GNA15: variants seen among roughly 807,000 people sequenced by gnomAD.
The protein encoded by GNA15 is guanine nucleotide-binding protein subunit alpha-15.
Under a neutral mutation model 40.1 loss-of-function variants are expected in GNA15, and 23 were observed. That is an observed-to-expected ratio of 0.57 (90% confidence interval 0.41 to 0.81). GNA15 has a LOEUF of 0.81. GNA15 is among the 40% of genes least tolerant of loss of function. GNA15 has a pLI of 0.00. For missense variants in GNA15, 522 were observed against 515.8 expected, an observed-to-expected ratio of 1.01 and a Z score of -0.12; for synonymous variants, 226 against 210.4, an observed-to-expected ratio of 1.07 and a Z score of -0.64.
At chr19:3,142,526 G>C (rs914367539) in intron 1 of GNA15, 1 of 152,168 alleles carries the variant, frequency 6.6e-6, no homozygotes, top group Admixed American at 6.6e-5. Context: ...TGCACTTTGG[G>C]GCAAACTAAG....
intron 5 of GNA15, 100 bp from the exon 6 acceptor site, chr19:3,157,628 G>A (rs1024230635): frequency 9.8e-7 from 1 of 1,017,818 alleles, no homozygotes; most frequent in Non-Finnish European, 1.5e-6. Context: ...ATAGGGGTGA[G>A]CCCATGCCCC....
At chr19:3,145,359 A>ATATATATATATATATATATATATTT in intron 1 of GNA15, among the ~76,000 whole-genome samples, 35 of 46,952 alleles carry the variant, frequency 7.5e-4, no homozygotes, top group Non-Finnish European at 9.7e-4. Context: ...ATATATATAT[A>ATATATATATATATATATATATATTT]TTTTTTTTTT....
intron 1 of GNA15, 127 bp from the exon 2 acceptor site, chr19:3,148,464 T>G: frequency 1.2e-6 from 1 of 839,160 alleles, no homozygotes; most frequent in Non-Finnish European, 1.8e-6. Context: ...CTGAGTGAGG[T>G]CCCGGCTGCA....
At chr19:3,140,494 C>T (rs78160449) in intron 1 of GNA15, among the ~76,000 whole-genome samples, 154 of 152,258 alleles carry the variant, frequency 1.0e-3, no homozygotes, top group African/African-American at 3.5e-3. Flanking sequence ...ACCCAAGTGT[C>T]GCCTCCTCAG....
At position 3,148,569 on chromosome 19, in the gene GNA15, G is replaced by A. The variant is rs1004523701; in HGVS notation, c.146-22G>A. The A allele has an allele frequency of 1.9e-6, 3 of 1,543,812 alleles. No individual in the cohort carries two copies. In the African/African-American group the frequency reaches 4.1e-5, roughly 21 times the overall value. ...GTGGGAGTCCCGTGGAGGGCTGAGC[G>A]GTTCTGCTGCTCCATCCCCAGGCCC... On this transcript the variant is annotated intron_variant, in intron 1 of 6. Transcript: ENST00000262958.
chr19:3,148,610 G>T lies in GNA15; in HGVS notation c.165G>T (p.Lys55Asn). Residue 55 changes from lysine (K) to asparagine (N), a missense_variant, in exon 2 of 7, where the codon AAG (lysine) becomes AAT (asparagine). Coordinates refer to ENST00000262958, the MANE Select transcript of GNA15 (RefSeq NM_002068.4). ...CCCCAGGCCCAGGCGAGAGCGGGAA[G>T]AGCACCTTCATCAAGCAGATGCGGA... ...LLLLGPGESG[K>N]STFIKQMRII... 1 of 1,584,028 alleles carries T rather than the reference G, an allele frequency of 6.3e-7. No individual in the cohort carries two copies. Among genetic ancestry groups the T allele is most frequent in the Non-Finnish European group, 8.6e-7 (1 of 1,164,776 alleles).
chr19:3,149,020 C>T, intron 2 of GNA15: 2 of 494,734 alleles, frequency 4.0e-6, no homozygotes, highest in South Asian at 5.0e-5. Context: ...CACGCACAGA[C>T]ATGCACACAA....
chr19:3,148,037 T>C (rs1421819828), intron 1 of GNA15, among the ~76,000 whole-genome samples: 3 of 152,058 alleles, frequency 2.0e-5, no homozygotes, highest in African/African-American at 4.8e-5. Context: ...GGCCCTCAGT[T>C]TGATGCAGCA....
rs1191752115 is a variant in GNA15 at position 3,145,336 on chromosome 19, A to AATATATATATAT, written c.146-3242_146-3231dup. ...CAGTGTGCACCACTACGTCTGACTA[A>AATATATATATAT]ATATATATATATATATATATATATT... On this transcript the variant is annotated intron_variant, in intron 1 of 6. Coordinates refer to ENST00000262958, the MANE Select transcript of GNA15 (RefSeq NM_002068.4). 1.3e-3 allele frequency among the ~76,000 whole-genome samples: 77 copies of AATATATATATAT among 60,192 alleles called. 1 individual carries two copies. The highest frequency in any genetic ancestry group is 3.0e-3 in the African/African-American group (38 of 12,554). 39.5% of individuals were successfully genotyped at this position (60,192 alleles called of 152,430 possible).
intron 2 of GNA15, 109 bp from the exon 3 acceptor site, chr19:3,150,022 T>A: frequency 1.1e-6 from 1 of 878,478 alleles, no homozygotes. Context: ...AGGAGAGCAG[T>A]GGGAAGAGAG....
At chr19:3,149,264 CAA>C (rs1308511667) in intron 2 of GNA15, 1 of 162,476 alleles carries the variant, frequency 6.2e-6, no homozygotes, top group Non-Finnish European at 1.4e-5. Flanking sequence ...AGAATGCATG[CAA>C]ATTCCCACAT....
intron 5 of GNA15, among the ~76,000 whole-genome samples, chr19:3,156,503 CAT>C (rs1372933898): frequency 3.3e-5 from 5 of 152,110 alleles, no homozygotes; most frequent in East Asian, 3.9e-4. Flanking sequence ...CAGGCACACA[CAT>C]GCGTGCACAC....
At chr19:3,153,046 C>A (rs1914917099) in intron 4 of GNA15, among the ~76,000 whole-genome samples, 1 of 151,808 alleles carries the variant, frequency 6.6e-6, no homozygotes, top group Non-Finnish European at 1.5e-5. Context: ...AAGCTTTGTT[C>A]TTTCGCTCTT....
chr19:3,160,937 CTTTTTTT>C (rs149959587), intron 6 of GNA15, among the ~76,000 whole-genome samples: 77 of 101,408 alleles, frequency 7.6e-4, no homozygotes, highest in Non-Finnish European at 8.5e-4. Flanking sequence ...GGTATGACCA[CTTTTTTT>C]TTTTTTTTTT....
At chr19:3,152,543 G>A (rs1914904224) in intron 4 of GNA15, among the ~76,000 whole-genome samples, 1 of 152,108 alleles carries the variant, frequency 6.6e-6, no homozygotes, top group African/African-American at 2.4e-5. Flanking sequence ...AGACAGAGGT[G>A]GGAATGGCCA....
chr19:3,149,150 G>C, intron 2 of GNA15: 1 of 219,906 alleles, frequency 4.5e-6, no homozygotes, highest in Non-Finnish European at 9.2e-6. Flanking sequence ...TGCACACAAG[G>C]ATCCATGCAG....
Position 3,163,313 on chromosome 19 carries a change from G to C in GNA15, c.*294G>C. 2.3e-6 allele frequency: 1 copy of C among 443,878 alleles called. No homozygotes were observed. Among genetic ancestry groups the C allele is most frequent in the Admixed American group, 3.6e-5 (1 of 27,788 alleles). 27.5% of individuals were successfully genotyped at this position (443,878 alleles called of 1,614,324 possible). ...AAGGTGAAGAAATCAGGGGATTGAG[G>C]ACTTGGGTGGGTGGGCATCTCTCAG... On this transcript the variant is annotated 3_prime_UTR_variant, in exon 7 of 7. Coordinates refer to ENST00000262958, the MANE Select transcript of GNA15 (RefSeq NM_002068.4).
intron 4 of GNA15, among the ~76,000 whole-genome samples, chr19:3,154,033 T>G (rs1914943750): frequency 6.7e-6 from 1 of 150,042 alleles, no homozygotes. Flanking sequence ...GATGGGTGGA[T>G]TGAGTAAATG....
In GNA15 at chr19:3,136,503, A is replaced by C. The variant is rs1914461534; in HGVS notation, c.53A>C (p.Glu18Ala). 6.4e-7 allele frequency: 1 copy of C among 1,560,456 alleles called. No individual in the cohort carries two copies. Among genetic ancestry groups the C allele is most frequent in the African/African-American group, 1.4e-5 (1 of 73,678 alleles). ...RCCPWCLTEDEKAAARVDQEI... is the reference protein window; with the variant it reads ...RCCPWCLTEDAKAAARVDQEI... ...TGCCCCTGGTGCCTGACGGAGGATGAGAAGGCCGCCGCCCGGGTGGACCAG... is the reference window on the plus strand; with the variant it reads ...TGCCCCTGGTGCCTGACGGAGGATGCGAAGGCCGCCGCCCGGGTGGACCAG... Residue 18 changes from glutamate (E) to alanine (A), a missense_variant, in exon 1 of 7, where the codon GAG becomes GCG. Transcript: ENST00000262958. The surrounding 1 kb of genome is among the most constrained non-coding windows in gnomAD (Gnocchi z 4.9).
Sources: allele counts gnomAD v4.1 joint callset (sites outside exome capture counted in the v4.1 genomes callset), GRCh38; gene constraint gnomAD v4.1.1; non-coding constraint Gnocchi (gnomAD v3.1); transcripts MANE v1.5; gene names NCBI Gene and HGNC (gene_info 2026-07-23, HGNC 2026-07-21).